Variants in CHRDL1 observed in about 807,000 individuals in gnomAD.
CHRDL1 encodes chordin like 1, also known as chordin-like protein 1.
Under a neutral mutation model 40.9 loss-of-function variants are expected in CHRDL1, and 19 were observed. That is an observed-to-expected ratio of 0.46 (90% CI 0.32 to 0.68). CHRDL1 has a LOEUF of 0.68. Ranked by LOEUF, CHRDL1 falls within the 30% of genes least tolerant of loss-of-function variation. The probability of loss-of-function intolerance (pLI) is 0.03; values close to 1 mark genes in which losing one functional copy is unlikely to be tolerated. For synonymous variants in CHRDL1, 136 were observed against 123.4 expected (o/e 1.10, Z -0.68); for missense variants, 329 against 352.1 (o/e 0.93, Z 0.53).
intron 7 of CHRDL1, among the ~76,000 whole-genome samples, chrX:110,695,745 G>T (rs1483874069): frequency 1.8e-5 from 2 of 111,952 alleles, no homozygotes; most frequent in African/African-American, 6.5e-5. Flanking sequence ...CCACAGACAG[G>T]CATGTTGCAA....
At chrX:110,689,944 T>C (rs2070220698) in intron 8 of CHRDL1, among the ~76,000 whole-genome samples, 1 of 68,967 alleles carries the variant, frequency 1.4e-5, no homozygotes, top group Non-Finnish European at 2.4e-5. Flanking sequence ...TATATATCTA[T>C]ATATCTATAT....
At chrX:110,785,290 T>G (rs2090000678) in intron 2 of CHRDL1, among the ~76,000 whole-genome samples, 1 of 111,772 alleles carries the variant, frequency 8.9e-6, no homozygotes, top group South Asian at 3.8e-4. Context: ...AATTGTGAAT[T>G]GATCTTAAGT....
At chrX:110,754,318 T>G (rs1415608665) in intron 4 of CHRDL1, among the ~76,000 whole-genome samples, 2 of 112,703 alleles carry the variant, frequency 1.8e-5, no homozygotes, top group Non-Finnish European at 3.8e-5. Context: ...AGTATTTCAT[T>G]AGTATAGTTG....
chrX:110,754,506 CAACTATTGTTG>C (rs200341498), intron 4 of CHRDL1, among the ~76,000 whole-genome samples: 2,116 of 112,117 alleles, frequency 0.019, 51 homozygotes, highest in African/African-American at 0.064. Context: ...ACTCACAACC[CAACTATTGTTG>C]AAAGAGAAAT....
At chrX:110,762,950 A>T (rs1338118081) in intron 2 of CHRDL1, 143 bp from the exon 3 acceptor site, 20 of 463,561 alleles carry the variant, frequency 4.3e-5, no homozygotes, top group Admixed American at 7.4e-5. Context: ...CTATTAGGGG[A>T]TTAGTGTTAT....
Position 110,688,778 on chromosome X carries a change from A to G in CHRDL1, c.804T>C (p.Tyr268=). ...GQVCVSNGKT[Y]SHGESWHPNL... ...TTGGGTGCCAGGACTCGCCATGAGA[A>G]TAGGTCTTTCCATTGGAAACACACA... The change falls in exon 9 of 12, where the codon TAT becomes TAC. Residue 268 remains tyrosine, a synonymous_variant. Transcript: ENST00000372042. 1 of 1,207,589 alleles carries G rather than the reference A, an allele frequency of 8.3e-7. No homozygotes were observed. The highest frequency in any genetic ancestry group is 1.1e-6 in the Non-Finnish European group (1 of 892,539).
rs1165155426 is a variant in CHRDL1, at chrX:110,758,130, C to CA, written c.301+1530dup. On this transcript the variant is annotated intron_variant, in intron 4 of 11. Coordinates refer to ENST00000372042, the MANE Select transcript of CHRDL1 (RefSeq NM_001143981.2). ...AAACAAAAAACAAAAAACAAAAAAA[C>CA]AAAAAAAAAAAAAACAAAGAAGCTC... Among the ~76,000 whole-genome samples the CA allele has an allele frequency of 8.5e-3, 700 of 82,738 alleles. 5 individuals carry two copies. Among genetic ancestry groups the CA allele is most frequent in the African/African-American group, 0.017 (397 of 23,564 alleles). 71.8% of individuals were successfully genotyped at this position (82,738 alleles called of 115,157 possible).
At chrX:110,702,377 C>A (rs1049979761) in intron 6 of CHRDL1, among the ~76,000 whole-genome samples, 1 of 112,336 alleles carries the variant, frequency 8.9e-6, no homozygotes, top group Non-Finnish European at 1.9e-5. Flanking sequence ...TTACATATTT[C>A]TGATTGCCTA....
intron 4 of CHRDL1, among the ~76,000 whole-genome samples, chrX:110,758,842 C>G (rs1260910797): frequency 8.9e-6 from 1 of 111,806 alleles, no homozygotes; most frequent in Non-Finnish European, 1.9e-5. Context: ...ATCCAGGAAC[C>G]CTAGTTCAAG....
At chrX:110,690,569 G>A (rs1362657481) in intron 8 of CHRDL1, among the ~76,000 whole-genome samples, 9 of 110,420 alleles carry the variant, frequency 8.2e-5, no homozygotes, top group African/African-American at 2.6e-4. Flanking sequence ...AGTTTCTTCC[G>A]GATCCTGAAG....
chrX:110,697,592 C>T (rs777270238), intron 7 of CHRDL1, among the ~76,000 whole-genome samples: 7 of 110,475 alleles, frequency 6.3e-5, no homozygotes, highest in Admixed American at 9.7e-5. Context: ...CAATTTCCTT[C>T]CCAAACCATT....
At chrX:110,706,692 A>G (rs780403274) in intron 6 of CHRDL1, among the ~76,000 whole-genome samples, 2 of 112,315 alleles carry the variant, frequency 1.8e-5, no homozygotes, top group South Asian at 3.7e-4. Context: ...AAACTATGCC[A>G]GCATGTGGCC....
intron 10 of CHRDL1, among the ~76,000 whole-genome samples, chrX:110,680,516 G>A (rs954389393): frequency 8.9e-6 from 1 of 111,954 alleles, no homozygotes; most frequent in Non-Finnish European, 1.9e-5. Context: ...ACCTGCATTA[G>A]AATCATCTGG....
intron 7 of CHRDL1, 100 bp downstream of exon 7, chrX:110,700,554 C>A: frequency 1.8e-6 from 1 of 567,622 alleles, no homozygotes; most frequent in Non-Finnish European, 3.0e-6. Flanking sequence ...TGTTAGAAAT[C>A]GGGCCTTTTT....
rs1256995318 is a variant in CHRDL1, at chrX:110,674,077, C to T, written c.*2154G>A. 1 of 111,535 alleles carries T rather than the reference C, an allele frequency of 9.0e-6. No homozygotes were observed. Among genetic ancestry groups the T allele is most frequent in the Non-Finnish European group, 1.9e-5 (1 of 53,096 alleles). The allele number at this position is 111,535 out of a possible 1,213,427, so 9.2% of individuals were successfully genotyped here. A position where few individuals can be genotyped will look rare whatever the true frequency, so the allele number is the denominator to read the frequency against. On this transcript the variant is annotated 3_prime_UTR_variant, in exon 12 of 12. Transcript: ENST00000372042. ...CAAGTGTTTATGATACAAATAAATACACAAGAAGAACCACATCCATTCTTC... is the reference window on the plus strand; with the variant it reads ...CAAGTGTTTATGATACAAATAAATATACAAGAAGAACCACATCCATTCTTC...
At chrX:110,695,764 T>C (rs1023775243) in intron 7 of CHRDL1, among the ~76,000 whole-genome samples, 2 of 111,899 alleles carry the variant, frequency 1.8e-5, no homozygotes, top group African/African-American at 6.5e-5. Context: ...AAATTTCACT[T>C]TGGGAAGTAT....
Position 110,689,778 on chromosome X carries a change from T to C in CHRDL1, c.779-975A>G, listed in dbSNP as rs187803904. Among the ~76,000 whole-genome samples the C allele has an allele frequency of 3.1e-3, 241 of 77,926 alleles. 14 individuals are homozygous for C. The highest frequency in any genetic ancestry group is 4.5e-3 in the East Asian group (13 of 2,909). 67.7% of individuals were successfully genotyped at this position (77,926 alleles called of 115,157 possible). On this transcript the variant is annotated intron_variant, in intron 8 of 11. Transcript: ENST00000372042. ...ATCTATATATCTATATATATCTATA[T>C]ATCTATATATATCTATACATCTATA...
rs142450657 is a variant in CHRDL1, at chrX:110,768,377, T to G, written c.95-5570A>C. On this transcript the variant is annotated intron_variant, in intron 2 of 11. Coordinates refer to ENST00000372042, the MANE Select transcript of CHRDL1 (RefSeq NM_001143981.2). Reference sequence around the variant, plus strand: ...TGATGGTTAATATTAAGTGTCAACTTGATTGGATTGAAGGATGCAAAGCAT... The same window carrying G: ...TGATGGTTAATATTAAGTGTCAACTGGATTGGATTGAAGGATGCAAAGCAT... Among the ~76,000 whole-genome samples, 213 of 111,952 alleles carry G rather than the reference T, an allele frequency of 1.9e-3. 5 individuals are homozygous for G. The East Asian group carries it at 0.024, about 13-fold the overall frequency.
At chrX:110,781,103 T>C (rs931885112) in intron 2 of CHRDL1, among the ~76,000 whole-genome samples, 1 of 111,330 alleles carries the variant, frequency 9.0e-6, no homozygotes, top group African/African-American at 3.3e-5. Context: ...TCCCAGTATA[T>C]TTAACTGATG....
Sources: gnomAD v4.1 joint callset for allele counts (sites outside exome capture counted in the v4.1 genomes callset) on GRCh38, gnomAD v4.1.1 for gene constraint, MANE v1.5 for transcripts, NCBI Gene and HGNC (gene_info 2026-07-23, HGNC 2026-07-21) for gene names.